PPARGC1A: variants seen among roughly 807,000 people sequenced by gnomAD.
PPARGC1A encodes peroxisome proliferator-activated receptor gamma coactivator 1-alpha.
Under a neutral mutation model 88.7 loss-of-function variants are expected in PPARGC1A, and 25 were observed. The observed-to-expected ratio is 0.28, with a 90% CI of 0.21 to 0.39. PPARGC1A has a LOEUF of 0.39. Among genes scored for constraint, PPARGC1A ranks in the 10% least tolerant of loss-of-function variants. The pLI is 1.00. For missense variants in PPARGC1A, 880 were observed against 968.7 expected (o/e 0.91, Z 1.22); for synonymous variants, 363 against 355.6 (o/e 1.02, Z -0.24).
chr4:24,009,081 G>A, the PPARGC1A span, among the ~76,000 whole-genome samples: 1 of 134,036 alleles, frequency 7.5e-6, no homozygotes, highest in Non-Finnish European at 1.5e-5. Context: ...TAATTATTAT[G>A]GTGGCACAAA....
At chr4:24,374,650 A>G in the PPARGC1A span, among the ~76,000 whole-genome samples, 21 of 152,252 alleles carry the variant, frequency 1.4e-4, no homozygotes, top group South Asian at 4.2e-3. Flanking sequence ...GATGCTCAGT[A>G]TCACTGAGTC....
chr4:24,159,243 G>A, the PPARGC1A span, among the ~76,000 whole-genome samples: 846 of 122,382 alleles, frequency 6.9e-3, 6 homozygotes, highest in African/African-American at 0.026. Context: ...ATGGAGCCTC[G>A]CTCTGTTGCC....
chr4:24,064,218 T>A, the PPARGC1A span, among the ~76,000 whole-genome samples: 1 of 151,932 alleles, frequency 6.6e-6, no homozygotes, highest in African/African-American at 2.4e-5. Flanking sequence ...AAAAAACAAC[T>A]GGGAAGAACA....
chr4:23,809,854 T>C (rs977575844), intron 10 of PPARGC1A, among the ~76,000 whole-genome samples: 2 of 152,110 alleles, frequency 1.3e-5, no homozygotes, highest in African/African-American at 4.8e-5. Context: ...AGGATTTGGA[T>C]CAGTCTTATA....
upstream of PPARGC1A, among the ~76,000 whole-genome samples, chr4:23,905,070 C>T (rs1273442646): frequency 6.6e-6 from 1 of 152,192 alleles, no homozygotes; most frequent in Non-Finnish European, 1.5e-5. Flanking sequence ...TCTCAAAAAA[C>T]ACTCGGAGTT....
the PPARGC1A span, among the ~76,000 whole-genome samples, chr4:24,131,421 C>A: frequency 6.6e-6 from 1 of 152,140 alleles, no homozygotes; most frequent in Non-Finnish European, 1.5e-5. Flanking sequence ...GTCTGTTGCA[C>A]CAGTAAGTAA....
the PPARGC1A span, among the ~76,000 whole-genome samples, chr4:24,437,072 A>G: frequency 1.3e-5 from 2 of 152,260 alleles, no homozygotes; most frequent in Non-Finnish European, 2.9e-5. Flanking sequence ...CAAACCTGAA[A>G]GTCACAAGTT....
At chr4:24,297,889 A>G in the PPARGC1A span, among the ~76,000 whole-genome samples, 2 of 152,200 alleles carry the variant, frequency 1.3e-5, no homozygotes, top group African/African-American at 4.8e-5. Context: ...TGCAAGCAAC[A>G]GGATGATCTT....
upstream of PPARGC1A, among the ~76,000 whole-genome samples, chr4:23,904,587 G>T (rs892599626): frequency 6.6e-6 from 1 of 152,166 alleles, no homozygotes; most frequent in Non-Finnish European, 1.5e-5. Flanking sequence ...GGAATACGTT[G>T]TCAAGTGGCT....
chr4:24,317,764 CA>C, the PPARGC1A span, among the ~76,000 whole-genome samples: 1 of 151,876 alleles, frequency 6.6e-6, no homozygotes, highest in Non-Finnish European at 1.5e-5. Flanking sequence ...CACCTATACG[CA>C]AGCACAAGAA....
chr4:23,932,017 G>T, the PPARGC1A span, among the ~76,000 whole-genome samples: 2 of 152,170 alleles, frequency 1.3e-5, no homozygotes. Flanking sequence ...AAATAATCAG[G>T]CACATGGTAG....
At chr4:24,107,147 A>G in the PPARGC1A span, among the ~76,000 whole-genome samples, 1 of 152,244 alleles carries the variant, frequency 6.6e-6, no homozygotes, top group Non-Finnish European at 1.5e-5. Context: ...ACACATTAGG[A>G]AATTGGATAA....
At chr4:24,008,441 A>G in the PPARGC1A span, among the ~76,000 whole-genome samples, 3 of 152,262 alleles carry the variant, frequency 2.0e-5, no homozygotes, top group Admixed American at 2.0e-4. Context: ...CTACCCTGTG[A>G]ATTGCGATTT....
At chr4:24,039,499 T>A in the PPARGC1A span, among the ~76,000 whole-genome samples, 21 of 152,160 alleles carry the variant, frequency 1.4e-4, no homozygotes, top group Non-Finnish European at 2.4e-4. Flanking sequence ...TATTGCTTAA[T>A]CCCTTGCTTT....
chr4:23,929,205 G>A, the PPARGC1A span, among the ~76,000 whole-genome samples: 9 of 152,306 alleles, frequency 5.9e-5, no homozygotes, highest in South Asian at 1.9e-3. Flanking sequence ...TGGATTAAAT[G>A]TTAGGTCAAC....
At chr4:24,219,538 C>T in the PPARGC1A span, among the ~76,000 whole-genome samples, 6 of 152,290 alleles carry the variant, frequency 3.9e-5, no homozygotes, top group Admixed American at 2.6e-4. Flanking sequence ...TCAGGGGAGG[C>T]GTCCTGCTCA....
At chr4:24,389,506 G>T in the PPARGC1A span, among the ~76,000 whole-genome samples, 21 of 152,104 alleles carry the variant, frequency 1.4e-4, no homozygotes, top group Non-Finnish European at 1.0e-4. Flanking sequence ...ATCCCATGAG[G>T]TCTTACGAAT....
At chr4:24,242,070 A>T in the PPARGC1A span, among the ~76,000 whole-genome samples, 1 of 152,176 alleles carries the variant, frequency 6.6e-6, no homozygotes, top group Non-Finnish European at 1.5e-5. Context: ...TAATAACTCC[A>T]GCCCACTACT....
chr4:24,271,177 C>G, the PPARGC1A span, among the ~76,000 whole-genome samples: 1 of 152,066 alleles, frequency 6.6e-6, no homozygotes, highest in East Asian at 1.9e-4. Flanking sequence ...AGTTTGGTAG[C>G]AAGAGAGCAT....
Sources: gnomAD v4.1 joint callset for allele counts (sites outside exome capture counted in the v4.1 genomes callset) on GRCh38, gnomAD v4.1.1 for gene constraint, MANE v1.5 for transcripts, NCBI Gene and HGNC (gene_info 2026-07-23, HGNC 2026-07-21) for gene names.